CNOT10: variants seen among roughly 807,000 people sequenced by gnomAD.
The protein encoded by CNOT10 is CCR4-NOT transcription complex, subunit 10.
In CNOT10, 30 loss-of-function variants were observed where a neutral mutation model predicts 94.6. That is an observed-to-expected ratio of 0.32 (90% CI 0.24 to 0.43). The LOEUF (loss-of-function observed/expected upper bound fraction) is 0.43. Ranked by LOEUF, CNOT10 falls within the 20% of genes least tolerant of loss-of-function variation. The probability of loss-of-function intolerance (pLI) is 1.00; values close to 1 mark genes in which losing one functional copy is unlikely to be tolerated. For missense variants in CNOT10, 759 were observed against 877.2 expected, an observed-to-expected ratio of 0.87 and a Z score of 1.70; for synonymous variants, 289 against 301.6, an observed-to-expected ratio of 0.96 and a Z score of 0.43.
rs533916964 is a variant in CNOT10, at chr3:32,689,375, GAAAA to G, written c.22+3898_22+3901del. ...TCTCAAAAAAAAAAAAAAAGAAAAA[GAAAA>G]AAAAGAATAGAGGATGACTGAAAGC... On this transcript the variant is annotated intron_variant, in intron 1 of 18. Transcript: ENST00000328834. 1.3e-3 allele frequency among the ~76,000 whole-genome samples: 190 copies of G among 149,600 alleles called. 2 individuals carry two copies. The highest frequency in any genetic ancestry group is 4.3e-3 in the African/African-American group (176 of 40,768).
At chr3:32,704,388 A>G (rs1697514734) in intron 2 of CNOT10, among the ~76,000 whole-genome samples, 1 of 152,204 alleles carries the variant, frequency 6.6e-6, no homozygotes, top group Non-Finnish European at 1.5e-5. Context: ...GCATTAAACA[A>G]TATGAAAGAA....
chr3:32,720,803 T>C (rs1339381886), intron 8 of CNOT10, among the ~76,000 whole-genome samples: 12 of 151,908 alleles, frequency 7.9e-5, no homozygotes, highest in Non-Finnish European at 1.6e-4. Flanking sequence ...TTGTCTTTTT[T>C]CTTTAACCTG....
chr3:32,695,966 AGAGTGTGTGTGTGTGTGTGTGT>A, intron 1 of CNOT10: 5 of 616,650 alleles, frequency 8.1e-6, no homozygotes, highest in Non-Finnish European at 1.4e-5. Context: ...CCTGTTGAAG[AGAGTGTGTGTGTGTGTGTGTGT>A]GTGTGTGTGT....
intron 12 of CNOT10, among the ~76,000 whole-genome samples, chr3:32,735,318 T>C (rs143383389): frequency 0.038 from 5,595 of 146,654 alleles, 302 homozygotes; most frequent in African/African-American, 0.11. Context: ...GCACTCCAGC[T>C]TTGGCGACAG....
rs759790998 is a variant in CNOT10 at position 32,772,709 on chromosome 3, A to G, written c.2081-748A>G. Among the ~76,000 whole-genome samples the G allele has an allele frequency of 1.3e-4, 20 of 152,148 alleles. No individual in the cohort carries two copies. The East Asian group carries it at 1.7e-3, about 13-fold the overall frequency. ...AAGACTCTGTCTCAAAAAAAACCCA[A>G]TGTTCTAAGGCATAACTCCTTGTTG... On this transcript the variant is annotated intron_variant, in intron 18 of 18. Transcript: ENST00000328834.
chr3:32,741,499 G>A (rs539042247), intron 13 of CNOT10, among the ~76,000 whole-genome samples: 83 of 152,238 alleles, frequency 5.5e-4, no homozygotes, highest in Non-Finnish European at 1.0e-3. Flanking sequence ...GCCAGGCGTG[G>A]TGGCTCACGT....
rs140360901 is a variant in CNOT10 at position 32,700,826 on chromosome 3, A to G, written c.23-3042A>G. ...ATGACATCACATTTATACAGTGGTCACATTTCCTTTTAATGATATTTCCAT... is the reference window on the plus strand; with the variant it reads ...ATGACATCACATTTATACAGTGGTCGCATTTCCTTTTAATGATATTTCCAT... On this transcript the variant is annotated intron_variant, in intron 1 of 18. Coordinates refer to ENST00000328834, the MANE Select transcript of CNOT10 (RefSeq NM_015442.3). Among the ~76,000 whole-genome samples the G allele has an allele frequency of 7.0e-3, 1,062 of 152,346 alleles. 18 individuals carry two copies. The highest frequency in any genetic ancestry group is 0.023 in the African/African-American group (951 of 41,582).
intron 18 of CNOT10, 99 bp downstream of exon 18, chr3:32,770,061 A>G: frequency 1.1e-6 from 1 of 884,928 alleles, no homozygotes; most frequent in Admixed American, 1.8e-5. Flanking sequence ...GCTGGAGTGC[A>G]GTGGTACCAT....
At chr3:32,743,011 ATTT>A (rs1419236420) in intron 13 of CNOT10, among the ~76,000 whole-genome samples, 1 of 124,616 alleles carries the variant, frequency 8.0e-6, no homozygotes, top group Non-Finnish European at 1.6e-5. Context: ...TTTGAGATAG[ATTT>A]TTGCCCTTGT....
intron 4 of CNOT10, among the ~76,000 whole-genome samples, 200 bp from the exon 5 acceptor site, chr3:32,713,027 G>T (rs1697958824): frequency 6.6e-6 from 1 of 152,226 alleles, no homozygotes; most frequent in Non-Finnish European, 1.5e-5. Flanking sequence ...TCTGAAATGA[G>T]AGGCCTTGCA....
Position 32,765,036 on chromosome 3 carries a change from T to A in CNOT10, c.2004+227T>A, listed in dbSNP as rs183419425. ...CTTGATGATTTTATTTTAAAAAAAA[T>A]TTTTTTTTGCCAGGCACAGTGGCTC... On this transcript the variant is annotated intron_variant, in intron 17 of 18. Coordinates refer to ENST00000328834, the MANE Select transcript of CNOT10 (RefSeq NM_015442.3). 2,758 of 1,343,650 alleles carry A rather than the reference T, an allele frequency of 2.1e-3. 49 individuals are homozygous for A. The African/African-American group carries it at 0.034, about 17-fold the overall frequency. 83.2% of individuals were successfully genotyped at this position (1,343,650 alleles called of 1,614,324 possible). A position where few individuals can be genotyped will look rare whatever the true frequency, so the allele number is the denominator to read the frequency against.
chr3:32,749,236 G>A (rs1355899749), intron 13 of CNOT10, among the ~76,000 whole-genome samples: 2 of 152,032 alleles, frequency 1.3e-5, no homozygotes, highest in Non-Finnish European at 2.9e-5. Context: ...AAGCATAAAC[G>A]TTTTTCATTT....
At chr3:32,739,442 C>T (rs1347621566) in intron 13 of CNOT10, among the ~76,000 whole-genome samples, 1 of 152,144 alleles carries the variant, frequency 6.6e-6, no homozygotes, top group Non-Finnish European at 1.5e-5. Flanking sequence ...TCCTTTTCTA[C>T]ACAGTTCCCT....
chr3:32,753,099 T>C (rs529230238), intron 13 of CNOT10: 2 of 542,986 alleles, frequency 3.7e-6, no homozygotes, highest in Non-Finnish European at 7.1e-6. Flanking sequence ...TGTGTTGCTG[T>C]TGCTGATGCA....
intron 13 of CNOT10, among the ~76,000 whole-genome samples, chr3:32,740,810 C>T (rs867937938): frequency 3.3e-5 from 5 of 151,268 alleles, no homozygotes; most frequent in South Asian, 2.1e-4. Flanking sequence ...TGCAATAAGC[C>T]GAGATCGCAC....
chr3:32,707,236 C>T (rs925561491), intron 3 of CNOT10, among the ~76,000 whole-genome samples: 2 of 150,778 alleles, frequency 1.3e-5, no homozygotes, highest in Admixed American at 6.6e-5. Flanking sequence ...CTACAGCTTA[C>T]ATAAGGGGGT....
chr3:32,746,810 C>T (rs1699718883), intron 13 of CNOT10, among the ~76,000 whole-genome samples: 2 of 146,606 alleles, frequency 1.4e-5, no homozygotes, highest in African/African-American at 5.1e-5. Context: ...GCACTCCAGC[C>T]TGGGCGACAG....
rs1559522617 is a variant in CNOT10 at position 32,770,313 on chromosome 3, TG to T, written c.2080+352del. On this transcript the variant is annotated intron_variant, in intron 18 of 18. Coordinates refer to ENST00000328834, the MANE Select transcript of CNOT10 (RefSeq NM_015442.3). ...ATAAGCCACCATGCTCAGCCAAGGC[TG>T]AGATTTTTTTTTTTTTTTTTTTTTT... Among the ~76,000 whole-genome samples, 416 of 133,614 alleles carry T rather than the reference TG, an allele frequency of 3.1e-3. 2 individuals are homozygous for T. The highest frequency in any genetic ancestry group is 0.011 in the African/African-American group (396 of 36,616). The allele number at this position is 133,614 out of a possible 152,430, so 87.7% of individuals were successfully genotyped here. A position where few individuals can be genotyped will look rare whatever the true frequency, so the allele number is the denominator to read the frequency against.
rs527246655 is a variant in CNOT10, at chr3:32,727,425, C to A, written c.1013-243C>A. On this transcript the variant is annotated intron_variant, in intron 9 of 18. Coordinates refer to ENST00000328834, the MANE Select transcript of CNOT10 (RefSeq NM_015442.3). ...TCTTTGCCTTCCTGGAACGTTGTTGCCTGAGGAGCTGGCAAATGAGAAGAG... is the reference window on the plus strand; with the variant it reads ...TCTTTGCCTTCCTGGAACGTTGTTGACTGAGGAGCTGGCAAATGAGAAGAG... Among the ~76,000 whole-genome samples, 269 of 152,212 alleles carry A rather than the reference C, an allele frequency of 1.8e-3. 1 individual carries two copies. The highest frequency in any genetic ancestry group is 6.3e-3 in the African/African-American group (261 of 41,538).
Sources: allele counts gnomAD v4.1 joint callset (sites outside exome capture counted in the v4.1 genomes callset), GRCh38; gene constraint gnomAD v4.1.1; transcripts MANE v1.5; gene names NCBI Gene and HGNC (gene_info 2026-07-23, HGNC 2026-07-21).